RNF6: variants seen among roughly 807,000 people sequenced by gnomAD.
The protein encoded by RNF6 is ring finger protein 6, also known as E3 ubiquitin-protein ligase RNF6.
RNF6 carries 21 observed loss-of-function variants against 50.1 expected under a neutral mutation model. The observed-to-expected ratio is 0.42, with a 90% CI of 0.30 to 0.60. The LOEUF is 0.60. Ranked by LOEUF, RNF6 falls within the 20% of genes least tolerant of loss-of-function variation. The probability of loss-of-function intolerance (pLI) is 0.20; values close to 1 mark genes in which losing one functional copy is unlikely to be tolerated. For synonymous variants in RNF6, 255 were observed against 291.8 expected (o/e 0.87, Z 1.29); for missense variants, 698 against 838.2 (o/e 0.83, Z 2.07).
chr13:26,216,828 G>A (rs1307238933), intron 4 of RNF6, among the ~76,000 whole-genome samples: 5 of 152,124 alleles, frequency 3.3e-5, no homozygotes, highest in South Asian at 2.1e-4. Flanking sequence ...GGTGGCGTGC[G>A]CCTGTAATCC....
At chr13:26,208,195 G>A (rs1018533202), downstream of RNF6, among the ~76,000 whole-genome samples, 5 of 152,170 alleles carry the variant, frequency 3.3e-5, no homozygotes, top group African/African-American at 1.2e-4. Context: ...ACTGGACTGG[G>A]GGAATACTCT....
At chr13:26,211,757 C>CAATAAA (rs756803696), downstream of RNF6, among the ~76,000 whole-genome samples, 17 of 152,056 alleles carry the variant, frequency 1.1e-4, no homozygotes, top group African/African-American at 2.4e-4. Context: ...GACTCTGTCT[C>CAATAAA]AATAAAAATA....
chr13:26,150,199 T>G (rs1871519387), intron 5 of RNF6, among the ~76,000 whole-genome samples: 1 of 151,978 alleles, frequency 6.6e-6, no homozygotes. Flanking sequence ...CAATGAGCAA[T>G]TCCGGATTTT....
At chr13:26,185,066 G>A (rs1410878253) in intron 5 of RNF6, among the ~76,000 whole-genome samples, 2 of 152,116 alleles carry the variant, frequency 1.3e-5, no homozygotes. Flanking sequence ...GCACAAACAC[G>A]GTTCATTGCA....
At chr13:26,202,976 G>C (rs527665245) in intron 5 of RNF6, among the ~76,000 whole-genome samples, 1 of 152,278 alleles carries the variant, frequency 6.6e-6, no homozygotes, top group Non-Finnish European at 1.5e-5. Flanking sequence ...GTGTATACCT[G>C]TATCATCTTA....
chr13:26,202,132 G>T (rs769633683), intron 5 of RNF6, among the ~76,000 whole-genome samples: 14 of 152,158 alleles, frequency 9.2e-5, no homozygotes. Flanking sequence ...CCTGTTTCAG[G>T]TGCTGCAGTG....
chr13:26,184,597 C>T (rs1458450451), intron 5 of RNF6, among the ~76,000 whole-genome samples: 1 of 152,084 alleles, frequency 6.6e-6, no homozygotes, highest in South Asian at 2.1e-4. Context: ...TAATTGTTTC[C>T]CCTTTATTGA....
intron 5 of RNF6, among the ~76,000 whole-genome samples, chr13:26,191,925 A>G (rs181017018): frequency 6.6e-6 from 1 of 152,334 alleles, no homozygotes; most frequent in Non-Finnish European, 1.5e-5. Flanking sequence ...AAATGAGGTG[A>G]AGAAGTTGGC....
At chr13:26,178,048 G>T (rs1192753613) in intron 5 of RNF6, among the ~76,000 whole-genome samples, 4 of 152,078 alleles carry the variant, frequency 2.6e-5, no homozygotes, top group Non-Finnish European at 5.9e-5. Flanking sequence ...ATTTAGCCAG[G>T]CATGGTGGCA....
intron 1 of RNF6, chr13:26,221,736 G>T (rs1382905597): frequency 6.6e-6 from 1 of 152,174 alleles, no homozygotes; most frequent in African/African-American, 2.4e-5. Flanking sequence ...GCCGGGGGAC[G>T]ATCCCCACTA....
intron 5 of RNF6, among the ~76,000 whole-genome samples, chr13:26,179,586 C>G (rs936878576): frequency 2.6e-5 from 4 of 152,174 alleles, no homozygotes; most frequent in African/African-American, 9.7e-5. Flanking sequence ...GCATTCTCAG[C>G]ACATTCTATT....
intron 5 of RNF6, among the ~76,000 whole-genome samples, chr13:26,143,975 T>C (rs921884515): frequency 6.6e-6 from 1 of 152,298 alleles, no homozygotes. Context: ...ATGTCCAGAA[T>C]GTCTATTCCA....
chr13:26,149,633 G>T (rs2137578345), intron 5 of RNF6, among the ~76,000 whole-genome samples: 1 of 151,298 alleles, frequency 6.6e-6, no homozygotes. Flanking sequence ...CAACTTAATT[G>T]TAAAGTCCTC....
intron 5 of RNF6, among the ~76,000 whole-genome samples, chr13:26,205,537 C>T (rs1464108739): frequency 1.3e-5 from 2 of 152,146 alleles, no homozygotes; most frequent in Non-Finnish European, 2.9e-5. Context: ...CAGCATACTC[C>T]GTGGTCAAGA....
intron 5 of RNF6, among the ~76,000 whole-genome samples, chr13:26,164,049 A>T (rs1037461485): frequency 1.3e-5 from 2 of 152,230 alleles, no homozygotes; most frequent in Admixed American, 1.3e-4. Flanking sequence ...TAAAAATTCG[A>T]TTTGTATGTT....
At chr13:26,208,155 G>A (rs1869182920), downstream of RNF6, among the ~76,000 whole-genome samples, 2 of 152,218 alleles carry the variant, frequency 1.3e-5, no homozygotes, top group South Asian at 4.1e-4. Flanking sequence ...AGGCTTGTTT[G>A]CAAGGTTGGC....
rs1555314571 is a variant in RNF6 at position 26,148,632 on chromosome 13, T to TTTTATA, written n.769-16182_769-16181insTATAAA. On this transcript the variant is annotated intron_variant and non_coding_transcript_variant, in intron 5 of 5. Transcript: ENST00000468480. ...AATAGAAACAATAGTATAAATCTCT[T>TTTTATA]TATATATATATATATATATATATAT... Among the ~76,000 whole-genome samples the TTTTATA allele has an allele frequency of 1.2e-3, 57 of 47,068 alleles. 1 individual carries two copies. Among genetic ancestry groups the TTTTATA allele is most frequent in the African/African-American group, 5.7e-3 (54 of 9,494 alleles). The allele number at this position is 47,068 out of a possible 152,430, so 30.9% of individuals were successfully genotyped here.
At chr13:26,155,077 A>G (rs904953378) in intron 5 of RNF6, among the ~76,000 whole-genome samples, 1 of 151,740 alleles carries the variant, frequency 6.6e-6, no homozygotes, top group Non-Finnish European at 1.5e-5. Flanking sequence ...CCTCTGTCTT[A>G]TAGTTTCAGA....
chr13:26,132,403 A>T, exon 6 of RNF6: 1 of 458,772 alleles, frequency 2.2e-6, no homozygotes, highest in Non-Finnish European at 4.4e-6. Context: ...TTCCAGATAG[A>T]CTTAACAACT....
Sources: allele counts gnomAD v4.1 joint callset (sites outside exome capture counted in the v4.1 genomes callset), GRCh38; gene constraint gnomAD v4.1.1; transcripts MANE v1.5; gene names NCBI Gene and HGNC (gene_info 2026-07-23, HGNC 2026-07-21).